Variants in CHLSN observed in about 807,000 individuals in gnomAD.
CHLSN encodes cholesin.
chr7:1,107,588 A>G, the CHLSN span, among the ~76,000 whole-genome samples: 2 of 152,166 alleles, frequency 1.3e-5, no homozygotes, highest in Non-Finnish European at 2.9e-5. Flanking sequence ...AGTCAACAAG[A>G]CAGAACTACT....
chr7:991,919 GTGGGGAGTGGTGGATT>G, the CHLSN span, among the ~76,000 whole-genome samples: 3 of 152,194 alleles, frequency 2.0e-5, no homozygotes, highest in Non-Finnish European at 4.4e-5. Context: ...CCTCGAGTGA[GTGGGGAGTGGTGGATT>G]TGTCCTGCTT....
At chr7:1,133,409 A>AAAAAAAAC in the CHLSN span, among the ~76,000 whole-genome samples, 16 of 149,542 alleles carry the variant, frequency 1.1e-4, no homozygotes, top group East Asian at 2.2e-3. Flanking sequence ...AAAAAAAAAA[A>AAAAAAAAC]AAAACTATAA....
the CHLSN span, chr7:983,535 G>A: frequency 1.3e-6 from 1 of 749,308 alleles, no homozygotes; most frequent in Non-Finnish European, 1.9e-6. Flanking sequence ...GGCCCACCCT[G>A]CTTTTGGGAG....
At chr7:1,058,223 G>A in the CHLSN span, 2 of 757,046 alleles carry the variant, frequency 2.6e-6, no homozygotes, top group South Asian at 2.7e-5. Flanking sequence ...GGCTGCTGGT[G>A]GCCACCGTGT....
chr7:987,218 C>G, the CHLSN span: 1 of 1,541,632 alleles, frequency 6.5e-7, no homozygotes, highest in South Asian at 1.2e-5. Context: ...GGCCGCACTT[C>G]TGATGGGCCG....
At chr7:979,284 G>T in the CHLSN span, among the ~76,000 whole-genome samples, 3 of 152,180 alleles carry the variant, frequency 2.0e-5, no homozygotes, top group Non-Finnish European at 4.4e-5. Context: ...GCTTATCAAC[G>T]GGTGGCGGAG....
At chr7:1,108,965 C>T in the CHLSN span, among the ~76,000 whole-genome samples, 5 of 149,020 alleles carry the variant, frequency 3.4e-5, no homozygotes, top group Non-Finnish European at 7.4e-5. Flanking sequence ...GCTGCAAACT[C>T]GGCTCACTGC....
At chr7:990,434 C>G in the CHLSN span, among the ~76,000 whole-genome samples, 1 of 152,002 alleles carries the variant, frequency 6.6e-6, no homozygotes, top group Non-Finnish European at 1.5e-5. Context: ...GGCCCCCGTC[C>G]CAGCGCTGAC....
chr7:1,037,430 G>C, the CHLSN span, among the ~76,000 whole-genome samples: 2 of 123,734 alleles, frequency 1.6e-5, no homozygotes, highest in Non-Finnish European at 3.5e-5. Flanking sequence ...GGTTTTGGTG[G>C]AGACGGGGTT....
chr7:1,052,696 C>T, the CHLSN span, among the ~76,000 whole-genome samples: 17 of 152,012 alleles, frequency 1.1e-4, no homozygotes, highest in East Asian at 3.9e-4. This position sits in a 1 kb window ranked among gnomAD's most constrained non-coding sequence, Gnocchi z 4.2. Flanking sequence ...GGTGCAGTGG[C>T]GGGCCCCGGA....
At chr7:1,036,915 G>A in the CHLSN span, among the ~76,000 whole-genome samples, 2 of 147,902 alleles carry the variant, frequency 1.4e-5, no homozygotes, top group African/African-American at 4.9e-5. Context: ...ATGGAGACCG[G>A]CCGGGGCAGC....
the CHLSN span, chr7:1,058,634 G>A: frequency 1.5e-5 from 9 of 615,994 alleles, no homozygotes; most frequent in Admixed American, 2.7e-4. Flanking sequence ...AGCAGGAGGG[G>A]TGTTTTTCTT....
the CHLSN span, among the ~76,000 whole-genome samples, chr7:1,032,247 T>C: frequency 6.6e-6 from 1 of 152,212 alleles, no homozygotes; most frequent in South Asian, 2.1e-4. Flanking sequence ...GAAAATAAAG[T>C]CTCTGAAATG....
the CHLSN span, among the ~76,000 whole-genome samples, chr7:1,099,770 G>A: frequency 4.6e-5 from 7 of 152,230 alleles, no homozygotes; most frequent in Non-Finnish European, 7.3e-5. Flanking sequence ...GCCAGGTGAG[G>A]ACACAAGCTG....
chr7:994,108 T>C, the CHLSN span, among the ~76,000 whole-genome samples: 5 of 152,204 alleles, frequency 3.3e-5, no homozygotes, highest in Admixed American at 1.3e-4. Context: ...AATGTGATTC[T>C]GACTTCCAAA....
chr7:1,118,551 T>C, the CHLSN span, among the ~76,000 whole-genome samples: 1 of 152,122 alleles, frequency 6.6e-6, no homozygotes, highest in Admixed American at 6.5e-5. Context: ...CTTTCCTGAA[T>C]GACAGAAAAG....
the CHLSN span, chr7:1,127,186 C>A: frequency 6.7e-7 from 1 of 1,500,272 alleles, no homozygotes; most frequent in South Asian, 1.4e-5. Context: ...GCTGAGCCAC[C>A]CCCTCTCCCT....
At chr7:986,785 C>G in the CHLSN span, 9 of 1,573,706 alleles carry the variant, frequency 5.7e-6, no homozygotes, top group East Asian at 2.0e-4. Flanking sequence ...ACGCCCTGAT[C>G]CAGCAGGGAC....
chr7:1,093,111 C>T, the CHLSN span: 2 of 653,732 alleles, frequency 3.1e-6, no homozygotes, highest in Non-Finnish European at 5.7e-6. Flanking sequence ...CAAAGGCCAG[C>T]GGTGACCAGC....
Sources: allele counts gnomAD v4.1 joint callset (sites outside exome capture counted in the v4.1 genomes callset), GRCh38; gene constraint gnomAD v4.1.1; non-coding constraint Gnocchi (gnomAD v3.1); transcripts MANE v1.5; gene names NCBI Gene and HGNC (gene_info 2026-07-23, HGNC 2026-07-21).